FOCAD: variants seen among roughly 807,000 people sequenced by gnomAD.
FOCAD encodes the protein focadhesin, also known as KIAA1797.
FOCAD carries 198 observed loss-of-function variants against 225.6 expected under a neutral mutation model. The ratio of observed to expected loss-of-function variants is 0.88; its 90% CI spans 0.78 to 0.99. The LOEUF is 0.99. FOCAD is among the 50% of genes least tolerant of loss of function. The pLI, the probability that FOCAD is intolerant of heterozygous loss-of-function variation, is 0.00. For synonymous variants in FOCAD, 897 were observed against 755.0 expected, an observed-to-expected ratio of 1.19 and a Z score of -3.08; for missense variants, 2,713 against 2,123.6, an observed-to-expected ratio of 1.28 and a Z score of -5.46.
intron 7 of FOCAD, among the ~76,000 whole-genome samples, chr9:20,768,994 T>A (rs1158618204): frequency 6.6e-6 from 1 of 152,170 alleles, no homozygotes; most frequent in Admixed American, 6.5e-5. Context: ...AAATTAGAAA[T>A]GTACACATAA....
At chr9:20,852,156 T>G (rs1273614634) in intron 15 of FOCAD, among the ~76,000 whole-genome samples, 2 of 151,790 alleles carry the variant, frequency 1.3e-5, no homozygotes, top group African/African-American at 4.8e-5. Context: ...AAACCTTGCT[T>G]TGGGGGAACC....
At chr9:20,834,207 C>T (rs1402046838) in intron 15 of FOCAD, among the ~76,000 whole-genome samples, 1 of 151,932 alleles carries the variant, frequency 6.6e-6, no homozygotes, top group Non-Finnish European at 1.5e-5. Flanking sequence ...GAACAGAAAA[C>T]CAAACACCGC....
At chr9:20,699,417 T>G (rs1213091838) in intron 1 of FOCAD, among the ~76,000 whole-genome samples, 1 of 151,872 alleles carries the variant, frequency 6.6e-6, no homozygotes, top group Non-Finnish European at 1.5e-5. Flanking sequence ...AAATCATATA[T>G]ACTAGTTTTA....
chr9:20,950,658 C>T (rs562946430), intron 33 of FOCAD, among the ~76,000 whole-genome samples: 1 of 152,228 alleles, frequency 6.6e-6, no homozygotes, highest in Admixed American at 6.5e-5. Context: ...AAGTAACTGT[C>T]ACCCCTTTTG....
chr9:20,761,912 G>C (rs543228144), intron 6 of FOCAD, among the ~76,000 whole-genome samples: 1 of 152,196 alleles, frequency 6.6e-6, no homozygotes, highest in East Asian at 1.9e-4. Flanking sequence ...CCCTGGTAAT[G>C]TCTTACTCCA....
At chr9:20,706,091 T>A (rs139243943) in intron 1 of FOCAD, among the ~76,000 whole-genome samples, 77 of 151,974 alleles carry the variant, frequency 5.1e-4, no homozygotes, top group African/African-American at 1.8e-3. Flanking sequence ...TGAGCCACCA[T>A]ACCCGGCTAA....
intron 34 of FOCAD, chr9:20,952,571 G>A (rs1281354214): frequency 1.0e-5 from 2 of 200,740 alleles, no homozygotes; most frequent in Non-Finnish European, 2.0e-5. Context: ...TCATATATTC[G>A]ATTCCACATG....
intron 28 of FOCAD, among the ~76,000 whole-genome samples, 164 bp downstream of exon 28, chr9:20,933,267 T>G (rs887960373): frequency 6.6e-6 from 1 of 152,180 alleles, no homozygotes; most frequent in African/African-American, 2.4e-5. Context: ...TCTTTAGTGG[T>G]GATTTGTGAG....
chr9:20,734,190 C>T (rs561541638), intron 4 of FOCAD, among the ~76,000 whole-genome samples: 1 of 151,906 alleles, frequency 6.6e-6, no homozygotes. Flanking sequence ...TGTTATTGAG[C>T]CCTGGTGAAA....
chr9:20,800,592 T>C (rs1821692036), intron 11 of FOCAD, among the ~76,000 whole-genome samples: 3 of 152,170 alleles, frequency 2.0e-5, no homozygotes, highest in Admixed American at 2.0e-4. Flanking sequence ...CTTCATTTCA[T>C]TCATTTGATC....
At chr9:20,978,923 G>A (rs1840442671) in intron 37 of FOCAD, among the ~76,000 whole-genome samples, 1 of 152,228 alleles carries the variant, frequency 6.6e-6, no homozygotes. Flanking sequence ...GGGACCAGGG[G>A]ATGTAGGTGG....
chr9:20,739,126 A>G (rs180685296), intron 4 of FOCAD, among the ~76,000 whole-genome samples: 277 of 152,258 alleles, frequency 1.8e-3, no homozygotes, highest in Non-Finnish European at 3.0e-3. Context: ...TACACTCAGT[A>G]ACATCTCACA....
intron 8 of FOCAD, 105 bp from the exon 9 acceptor site, chr9:20,778,576 G>A (rs754518805): frequency 5.1e-4 from 319 of 630,792 alleles, no homozygotes; most frequent in Non-Finnish European, 7.9e-4. Flanking sequence ...TGTGTAATAG[G>A]CTTGCAGTCT....
chr9:20,984,886 C>T (rs971931852), intron 39 of FOCAD, among the ~76,000 whole-genome samples: 4 of 152,216 alleles, frequency 2.6e-5, no homozygotes, highest in African/African-American at 4.8e-5. Flanking sequence ...CTGCAACCTC[C>T]GTCTTCAGGG....
chr9:20,948,636 A>G (rs576716662), intron 31 of FOCAD, among the ~76,000 whole-genome samples: 2 of 152,208 alleles, frequency 1.3e-5, no homozygotes, highest in South Asian at 2.1e-4. Flanking sequence ...TTGTTTTTTG[A>G]AAAATAAAAG....
Position 20,770,098 on chromosome 9 carries a change from C to G in FOCAD, c.766C>G (p.Arg256Gly), listed in dbSNP as rs762151102. The G allele has an allele frequency of 3.7e-6, 6 of 1,614,020 alleles. No homozygotes were observed. The South Asian group carries it at 5.5e-5, about 15-fold the overall frequency. The change falls in exon 8 of 44, where the codon CGT (arginine) becomes GGT (glycine). Residue 256 changes from arginine to glycine, a missense_variant. By Grantham distance (125) the Arg-to-Gly change is moderately radical. Coordinates refer to ENST00000338382, the MANE Select transcript of FOCAD (RefSeq NM_001375567.1). Reference sequence around the variant, plus strand: ...TGAGGAAGTATGTTTAAGCCTTTTGCGTCATCCTGTTTTCTGGAAAATTCA... The same window carrying G: ...TGAGGAAGTATGTTTAAGCCTTTTGGGTCATCCTGTTTTCTGGAAAATTCA... ...FIEEVCLSLL[R>G]HPVFWKIQLT...
At chr9:20,894,186 A>G (rs1041870519) in intron 21 of FOCAD, among the ~76,000 whole-genome samples, 1 of 152,112 alleles carries the variant, frequency 6.6e-6, no homozygotes, top group African/African-American at 2.4e-5. Context: ...TGTTTTCTGC[A>G]TGTATTTTCG....
At chr9:20,972,500 G>A (rs914462213) in intron 35 of FOCAD, among the ~76,000 whole-genome samples, 3 of 151,442 alleles carry the variant, frequency 2.0e-5, no homozygotes, top group African/African-American at 7.3e-5. Flanking sequence ...TTTTTTCTAT[G>A]TTACTCCTTT....
chr9:20,866,015 TA>T, intron 17 of FOCAD, 39 bp downstream of exon 17: 1 of 1,522,980 alleles, frequency 6.6e-7, no homozygotes, highest in Non-Finnish European at 9.0e-7. Context: ...AGAACAAAGC[TA>T]AGGAAATAAT....
Sources: allele counts gnomAD v4.1 joint callset (sites outside exome capture counted in the v4.1 genomes callset), GRCh38; gene constraint gnomAD v4.1.1; transcripts MANE v1.5; gene names NCBI Gene and HGNC (gene_info 2026-07-23, HGNC 2026-07-21).